Variants in NAV2 observed in about 807,000 individuals in gnomAD.
NAV2 encodes helicase, APC down-regulated 1.
NAV2 carries 54 observed loss-of-function variants against 223.2 expected under a neutral mutation model. The ratio of observed to expected loss-of-function variants is 0.24; its 90% CI spans 0.19 to 0.30. The LOEUF is 0.30. Ranked by LOEUF, NAV2 falls within the 10% of genes least tolerant of loss-of-function variation. NAV2 has a pLI of 1.00. For missense variants in NAV2, 2,806 were observed against 3,147.5 expected (o/e 0.89, Z 2.60); for synonymous variants, 1,279 against 1,239.3 (o/e 1.03, Z -0.67).
chr11:19,444,956 A>G (rs1406335454), intron 1 of NAV2, among the ~76,000 whole-genome samples: 1 of 152,160 alleles, frequency 6.6e-6, no homozygotes, highest in African/African-American at 2.4e-5. Context: ...GAATAGGAAA[A>G]TGTCTGGCCC....
intron 2 of NAV2, among the ~76,000 whole-genome samples, chr11:19,837,151 G>T (rs2060280289): frequency 6.6e-6 from 1 of 152,146 alleles, no homozygotes; most frequent in Non-Finnish European, 1.5e-5. Flanking sequence ...CCAATCTGGG[G>T]ACAGTGTGAA....
At chr11:19,583,806 A>C (rs996413832) in intron 1 of NAV2, among the ~76,000 whole-genome samples, 1 of 152,170 alleles carries the variant, frequency 6.6e-6, no homozygotes, top group Non-Finnish European at 1.5e-5. Context: ...TTTTTGCATC[A>C]ATGTTCATCA....
At chr11:19,856,654 G>A (rs1025721966) in intron 3 of NAV2, among the ~76,000 whole-genome samples, 1 of 152,186 alleles carries the variant, frequency 6.6e-6, no homozygotes, top group East Asian at 1.9e-4. Context: ...TGAAATTAGA[G>A]TGGAAACAAT....
intron 35 of NAV2, among the ~76,000 whole-genome samples, chr11:20,106,230 T>C (rs1281204086): frequency 9.6e-6 from 1 of 104,220 alleles, no homozygotes; most frequent in Non-Finnish European, 1.9e-5. Context: ...TATATATATA[T>C]GCTTTATGAA....
At chr11:19,461,662 A>G (rs1021757751) in intron 1 of NAV2, among the ~76,000 whole-genome samples, 13 of 152,248 alleles carry the variant, frequency 8.5e-5, no homozygotes, top group Non-Finnish European at 1.5e-5. Flanking sequence ...CATAGCTTGA[A>G]ATCCATTAGT....
At chr11:19,393,895 G>GTTTT (rs5790072) in intron 1 of NAV2, among the ~76,000 whole-genome samples, 151 of 135,554 alleles carry the variant, frequency 1.1e-3, no homozygotes, top group Middle Eastern at 3.8e-3. Flanking sequence ...TAACTTAAGG[G>GTTTT]TTTTTTTTTT....
At chr11:19,478,221 G>C (rs1309587580) in intron 1 of NAV2, among the ~76,000 whole-genome samples, 2 of 152,154 alleles carry the variant, frequency 1.3e-5, no homozygotes, top group African/African-American at 4.8e-5. Context: ...GTGGAGGTGA[G>C]ATTCAAATAT....
chr11:19,662,876 C>G (rs868314288), intron 1 of NAV2, among the ~76,000 whole-genome samples: 10 of 152,212 alleles, frequency 6.6e-5, no homozygotes, highest in Non-Finnish European at 8.8e-5. Context: ...ACATGGGACC[C>G]AGATGATGCC....
At chr11:19,714,179 C>G in intron 1 of NAV2, 1 of 710,596 alleles carries the variant, frequency 1.4e-6, no homozygotes, top group Non-Finnish European at 2.5e-6. Flanking sequence ...AAGAGCTCTT[C>G]GAGACCTGGG....
At chr11:19,597,362 A>T (rs531802302) in intron 1 of NAV2, among the ~76,000 whole-genome samples, 5 of 152,330 alleles carry the variant, frequency 3.3e-5, no homozygotes, top group Admixed American at 2.6e-4. Flanking sequence ...CATCCAGAGG[A>T]TAATAGCAGC....
intron 1 of NAV2, among the ~76,000 whole-genome samples, chr11:19,781,001 CAT>C (rs927430636): frequency 6.6e-6 from 1 of 152,190 alleles, no homozygotes; most frequent in African/African-American, 2.4e-5. Flanking sequence ...CTGCTAAAAT[CAT>C]ATTAATAGCT....
At chr11:19,411,424 T>C (rs1775515934) in intron 1 of NAV2, among the ~76,000 whole-genome samples, 1 of 152,206 alleles carries the variant, frequency 6.6e-6, no homozygotes, top group African/African-American at 2.4e-5. Context: ...TACAAGACCC[T>C]GGAGACACAG....
At chr11:19,393,320 C>A (rs1162355356) in intron 1 of NAV2, among the ~76,000 whole-genome samples, 1 of 152,214 alleles carries the variant, frequency 6.6e-6, no homozygotes, top group Non-Finnish European at 1.5e-5. Context: ...GGCCTATATG[C>A]CATTGAGCCC....
chr11:19,631,281 G>A (rs1305928463), intron 1 of NAV2, among the ~76,000 whole-genome samples: 3 of 138,516 alleles, frequency 2.2e-5, no homozygotes, highest in Admixed American at 7.4e-5. Context: ...AACAGTCCCC[G>A]GCGTGTGATG....
chr11:20,115,640 A>G (rs1469595769), intron 37 of NAV2, among the ~76,000 whole-genome samples: 1 of 149,642 alleles, frequency 6.7e-6, no homozygotes, highest in East Asian at 1.9e-4. Flanking sequence ...TCAAAAAAAA[A>G]AAAAAAAAAA....
chr11:19,668,567 G>A (rs1374732892), intron 1 of NAV2, among the ~76,000 whole-genome samples: 3 of 140,192 alleles, frequency 2.1e-5, no homozygotes, highest in Non-Finnish European at 4.6e-5. Flanking sequence ...GTAGCCCTAC[G>A]TTCCATAGTC....
intron 1 of NAV2, chr11:19,506,673 A>G (rs142988012): frequency 6.6e-6 from 1 of 152,306 alleles, no homozygotes; most frequent in Non-Finnish European, 1.5e-5. Flanking sequence ...TTTCCTGAGG[A>G]AAGGCCATTG....
chr11:20,006,079 T>G (rs1315287486), intron 11 of NAV2, among the ~76,000 whole-genome samples: 1 of 152,102 alleles, frequency 6.6e-6, no homozygotes, highest in African/African-American at 2.4e-5. Context: ...CCTGGGAATA[T>G]TCACTCAGAA....
intron 1 of NAV2, among the ~76,000 whole-genome samples, chr11:19,689,025 G>A (rs559812894): frequency 6.6e-6 from 1 of 152,220 alleles, no homozygotes; most frequent in African/African-American, 2.4e-5. Context: ...AAGTAACTCA[G>A]TATAAGGAGA....
Sources: gnomAD v4.1 joint callset for allele counts (sites outside exome capture counted in the v4.1 genomes callset) on GRCh38, gnomAD v4.1.1 for gene constraint, MANE v1.5 for transcripts, NCBI Gene and HGNC (gene_info 2026-07-23, HGNC 2026-07-21) for gene names.